The following PLPPR1 variants were observed in gnomAD, a reference collection of about 807,000 sequenced individuals.
PLPPR1 encodes phospholipid phosphatase-related protein type 1.
A neutral mutation model predicts 33.1 loss-of-function variants in PLPPR1; 10 were observed. The observed-to-expected ratio is 0.30, with a 90% CI of 0.19 to 0.51. PLPPR1 has a LOEUF of 0.51. Among genes scored for constraint, PLPPR1 ranks in the 20% least tolerant of loss-of-function variants. The pLI is 0.97. For missense variants in PLPPR1, 304 were observed against 408.1 expected (o/e 0.74, Z 2.20); for synonymous variants, 151 against 151.0 (o/e 1.00, Z 0.00).
intron 7 of PLPPR1, chr9:101,322,665 G>T (rs764097931): frequency 2.6e-5 from 4 of 152,076 alleles, no homozygotes; most frequent in Non-Finnish European, 5.9e-5. Context: ...ATGTATAAAA[G>T]CTTAATAGTT....
chr9:101,239,132 C>T (rs1827398265), intron 2 of PLPPR1, among the ~76,000 whole-genome samples: 1 of 151,144 alleles, frequency 6.6e-6, no homozygotes, highest in Non-Finnish European at 1.5e-5. Flanking sequence ...TGTTGGTGGA[C>T]ATTTAGGCAA....
rs183293884 is a variant in PLPPR1, at chr9:101,062,421, A to C, written c.-46+33319A>C. 7.2e-5 allele frequency among the ~76,000 whole-genome samples: 11 copies of C among 152,176 alleles called. No homozygotes were observed. The East Asian group carries it at 2.1e-3, about 30-fold the overall frequency. On this transcript the variant is annotated intron_variant, in intron 1 of 7. Coordinates refer to ENST00000374874, the MANE Select transcript of PLPPR1 (RefSeq NM_207299.2). ...CCCTCATTAGGCTACATACAGGCTAATATTCCTTTAATATTGGTAGACCTG... is the reference window on the plus strand; with the variant it reads ...CCCTCATTAGGCTACATACAGGCTACTATTCCTTTAATATTGGTAGACCTG...
intron 1 of PLPPR1, among the ~76,000 whole-genome samples, chr9:101,119,574 A>T (rs559608372): frequency 6.6e-6 from 1 of 152,326 alleles, no homozygotes; most frequent in South Asian, 2.1e-4. Flanking sequence ...GGCTGTAGAG[A>T]TATTGAGGAG....
intron 3 of PLPPR1, among the ~76,000 whole-genome samples, chr9:101,283,106 C>T (rs960528932): frequency 3.9e-5 from 6 of 152,010 alleles, no homozygotes; most frequent in Non-Finnish European, 5.9e-5. Context: ...CAAAGTGCTA[C>T]GATCACAGCC....
chr9:101,053,922 A>T (rs1477806831), intron 1 of PLPPR1, among the ~76,000 whole-genome samples: 1 of 152,156 alleles, frequency 6.6e-6, no homozygotes, highest in Admixed American at 6.6e-5. Context: ...GGTGGCTCAC[A>T]CCTGTAATCC....
At chr9:101,150,596 C>G (rs993917748) in intron 1 of PLPPR1, among the ~76,000 whole-genome samples, 2 of 152,142 alleles carry the variant, frequency 1.3e-5, no homozygotes, top group Non-Finnish European at 2.9e-5. Context: ...ATTTTTGTCA[C>G]TCAAAAATCT....
chr9:101,226,069 T>C (rs1308631152), intron 2 of PLPPR1, among the ~76,000 whole-genome samples: 2 of 152,146 alleles, frequency 1.3e-5, no homozygotes, highest in Non-Finnish European at 2.9e-5. Flanking sequence ...GCCCATGGCT[T>C]ATTTTCATCA....
At chr9:101,304,317 C>T (rs1413619762) in intron 4 of PLPPR1, among the ~76,000 whole-genome samples, 1 of 152,174 alleles carries the variant, frequency 6.6e-6, no homozygotes, top group African/African-American at 2.4e-5. Context: ...CTCTTTTATC[C>T]TCTTCTGTTA....
chr9:101,072,711 T>C (rs73656137), intron 1 of PLPPR1, among the ~76,000 whole-genome samples: 365 of 152,326 alleles, frequency 2.4e-3, no homozygotes, highest in African/African-American at 8.6e-3. Flanking sequence ...AAGGAAATGA[T>C]ATTTACATCA....
intron 1 of PLPPR1, among the ~76,000 whole-genome samples, chr9:101,078,013 A>G (rs1433081053): frequency 6.7e-6 from 1 of 149,190 alleles, no homozygotes; most frequent in East Asian, 2.0e-4. Context: ...CGATAGGTGA[A>G]AAGTAGACCT....
At chr9:101,145,468 G>A (rs1009297491) in intron 1 of PLPPR1, among the ~76,000 whole-genome samples, 4 of 151,986 alleles carry the variant, frequency 2.6e-5, no homozygotes, top group East Asian at 3.9e-4. Context: ...TGCAACCTCC[G>A]CCTCCCAGGT....
chr9:101,226,365 C>CATAT (rs1564183474), intron 2 of PLPPR1, among the ~76,000 whole-genome samples: 2 of 152,096 alleles, frequency 1.3e-5, no homozygotes, highest in Admixed American at 6.6e-5. Flanking sequence ...CCAGGGAAAA[C>CATAT]AGCTGAAGCT....
At chr9:101,177,294 A>G (rs1019082836) in intron 1 of PLPPR1, among the ~76,000 whole-genome samples, 1 of 152,088 alleles carries the variant, frequency 6.6e-6, no homozygotes, top group Non-Finnish European at 1.5e-5. Context: ...TCTTTCATCA[A>G]CATGTACTGT....
chr9:101,171,048 A>G (rs1009995451), intron 1 of PLPPR1, among the ~76,000 whole-genome samples: 7 of 152,262 alleles, frequency 4.6e-5, no homozygotes, highest in Middle Eastern at 3.4e-3. Flanking sequence ...GGGGTCCCCA[A>G]CCCCAAGACA....
intron 2 of PLPPR1, among the ~76,000 whole-genome samples, chr9:101,257,580 C>T (rs1334308043): frequency 2.0e-5 from 3 of 152,084 alleles, no homozygotes; most frequent in Admixed American, 1.3e-4. Flanking sequence ...TGAAGACTTC[C>T]GAGCAATTTC....
chr9:101,109,397 C>T (rs373204771), intron 1 of PLPPR1, among the ~76,000 whole-genome samples: 4 of 152,160 alleles, frequency 2.6e-5, no homozygotes, highest in South Asian at 2.1e-4. Flanking sequence ...TCCCCAAGGG[C>T]GTAGTTGATG....
chr9:101,311,443 T>C (rs2118957572), intron 5 of PLPPR1, among the ~76,000 whole-genome samples: 2 of 152,332 alleles, frequency 1.3e-5, no homozygotes, highest in South Asian at 4.1e-4. Context: ...CTATGAAGAA[T>C]ACCAACTAAC....
chr9:101,305,427 C>T (rs1544193), intron 4 of PLPPR1, among the ~76,000 whole-genome samples: 18,624 of 152,144 alleles, frequency 0.12, 1,325 homozygotes, highest in South Asian at 0.18. Flanking sequence ...AGGCTGTCAG[C>T]AAAGTGCCTT....
At chr9:101,277,714 C>T (rs1294248590) in intron 3 of PLPPR1, among the ~76,000 whole-genome samples, 1 of 152,174 alleles carries the variant, frequency 6.6e-6, no homozygotes, top group Non-Finnish European at 1.5e-5. Context: ...CAAAATTAAA[C>T]ACCTGGTTAG....
Sources: gnomAD v4.1 joint callset for allele counts (sites outside exome capture counted in the v4.1 genomes callset) on GRCh38, gnomAD v4.1.1 for gene constraint, MANE v1.5 for transcripts, NCBI Gene and HGNC (gene_info 2026-07-23, HGNC 2026-07-21) for gene names.